ADCY8: variants seen among roughly 807,000 people sequenced by gnomAD.
The protein encoded by ADCY8 is adenylate cyclase 8.
In ADCY8, 51 loss-of-function variants were observed where a neutral mutation model predicts 119.7. The ratio of observed to expected loss-of-function variants is 0.43; its 90% confidence interval spans 0.34 to 0.54. ADCY8 has a LOEUF of 0.54. Ranked by LOEUF, ADCY8 falls within the 20% of genes least tolerant of loss-of-function variation. ADCY8 has a pLI of 0.03. For synonymous variants in ADCY8, 665 were observed against 651.0 expected, an observed-to-expected ratio of 1.02 and a Z score of -0.33; for missense variants, 1,383 against 1,598.8, an observed-to-expected ratio of 0.87 and a Z score of 2.30.
chr8:130,783,283 G>A (rs1230179078), intron 17 of ADCY8, among the ~76,000 whole-genome samples: 2 of 152,168 alleles, frequency 1.3e-5, no homozygotes, highest in African/African-American at 4.8e-5. Context: ...TCCTGCTTTT[G>A]TCTGAAGGAA....
intron 12 of ADCY8, among the ~76,000 whole-genome samples, chr8:130,827,634 C>T (rs1019617056): frequency 6.6e-6 from 1 of 152,118 alleles, no homozygotes; most frequent in Non-Finnish European, 1.5e-5. Context: ...CTATTAAACC[C>T]CACTCCTAAA....
intron 14 of ADCY8, among the ~76,000 whole-genome samples, chr8:130,801,390 C>T (rs1815772360): frequency 6.6e-6 from 1 of 152,208 alleles, no homozygotes; most frequent in Non-Finnish European, 1.5e-5. Flanking sequence ...TCTTTCACTT[C>T]AACTCCAGAT....
chr8:130,976,142 G>A (rs1283942326), intron 2 of ADCY8, among the ~76,000 whole-genome samples: 4 of 152,160 alleles, frequency 2.6e-5, no homozygotes, highest in African/African-American at 7.2e-5. Context: ...GATAGCAGTA[G>A]TGATTGATCC....
chr8:130,807,759 C>T (rs979355249), intron 14 of ADCY8, among the ~76,000 whole-genome samples: 26 of 151,580 alleles, frequency 1.7e-4, no homozygotes, highest in South Asian at 2.1e-4. Context: ...CCGAGGCGGG[C>T]GGATCACGAG....
chr8:130,874,354 T>TAAATAAATTAAA (rs1300412408), intron 8 of ADCY8, among the ~76,000 whole-genome samples: 1 of 135,962 alleles, frequency 7.4e-6, no homozygotes. Flanking sequence ...AATAAATAAA[T>TAAATAAATTAAA]AAAATACACC....
chr8:131,022,775 A>C (rs1823713205), intron 1 of ADCY8, among the ~76,000 whole-genome samples: 1 of 152,186 alleles, frequency 6.6e-6, no homozygotes, highest in African/African-American at 2.4e-5. Flanking sequence ...AACAACAGAT[A>C]AACTTTTCTT....
chr8:130,840,368 C>A lies in ADCY8; in HGVS notation c.2503-3919G>T, dbSNP rs1817103273. On this transcript the variant is annotated intron_variant, in intron 11 of 17. Transcript: ENST00000286355. Reference sequence around the variant, plus strand: ...ACAGAGACTAACATTGAGAGCCTACCATGTTTGAAGGACTGTGGAAGAAGA... The same window carrying A: ...ACAGAGACTAACATTGAGAGCCTACAATGTTTGAAGGACTGTGGAAGAAGA... Among the ~76,000 whole-genome samples, 2 of 137,684 alleles carry A rather than the reference C, an allele frequency of 1.5e-5. 1 individual carries two copies. The highest frequency in any genetic ancestry group is 6.2e-4 in the South Asian group (2 of 3,246). The allele number at this position is 137,684 out of a possible 152,430, so 90.3% of individuals were successfully genotyped here.
chr8:131,024,973 T>A (rs1371311787), intron 1 of ADCY8, among the ~76,000 whole-genome samples: 1 of 152,162 alleles, frequency 6.6e-6, no homozygotes, highest in African/African-American at 2.4e-5. Flanking sequence ...TCATTATAAC[T>A]CATGGAATAA....
At chr8:130,866,196 C>T (rs933287831) in intron 9 of ADCY8, among the ~76,000 whole-genome samples, 3 of 151,980 alleles carry the variant, frequency 2.0e-5, no homozygotes, top group Non-Finnish European at 4.4e-5. Flanking sequence ...TGGTCAGATT[C>T]GTAAGAATTC....
intron 1 of ADCY8, among the ~76,000 whole-genome samples, chr8:131,021,945 G>C (rs568129331): frequency 2.0e-5 from 3 of 152,078 alleles, no homozygotes; most frequent in African/African-American, 7.2e-5. Context: ...AACAATTTAG[G>C]GTAATTCAGA....
Position 130,780,651 on chromosome 8 carries a change from G to C in ADCY8, c.3495C>G (p.Ile1165Met). The change falls in exon 18 of 18, where the codon ATC (isoleucine) becomes ATG (methionine). Residue 1165 changes from isoleucine to methionine, a missense_variant. Coordinates refer to ENST00000286355, the MANE Select transcript of ADCY8 (RefSeq NM_001115.3). ...VKGISEQEGK[I>M]KTYFLLGRVQ... The stretch of plus-strand genomic sequence containing the variant: ...CTCTTCCCAGAAGAAAGTACGTTTT[G>C]ATTTTTCCTTCCTGTTCACTGATAC... 6.2e-7 allele frequency: 1 copy of C among 1,614,172 alleles called. No individual in the cohort carries two copies.
chr8:130,844,950 A>G (rs1354977357), intron 11 of ADCY8, among the ~76,000 whole-genome samples: 2 of 152,254 alleles, frequency 1.3e-5, no homozygotes, highest in African/African-American at 4.8e-5. Context: ...TGACGATAAC[A>G]TACATTGGCA....
intron 5 of ADCY8, among the ~76,000 whole-genome samples, chr8:130,924,021 GTTGATCCT>G (rs1481331735): frequency 6.6e-6 from 1 of 152,212 alleles, no homozygotes; most frequent in East Asian, 1.9e-4. Context: ...TAAACTATAT[GTTGATCCT>G]TTGGGTATTG....
chr8:131,038,433 C>T (rs943949477), intron 1 of ADCY8, among the ~76,000 whole-genome samples: 4 of 152,168 alleles, frequency 2.6e-5, no homozygotes, highest in Admixed American at 1.3e-4. Context: ...CTGTTACCTA[C>T]CATACATTTT....
chr8:130,797,830 C>A (rs1459986291), intron 15 of ADCY8, among the ~76,000 whole-genome samples: 1 of 152,170 alleles, frequency 6.6e-6, no homozygotes, highest in Non-Finnish European at 1.5e-5. Context: ...CCCCCCACAC[C>A]CATCCCAGGG....
At chr8:131,008,300 T>C (rs750491317) in intron 1 of ADCY8, among the ~76,000 whole-genome samples, 1 of 152,160 alleles carries the variant, frequency 6.6e-6, no homozygotes, top group South Asian at 2.1e-4. Context: ...CAACCTCGAA[T>C]GGTAATAATC....
chr8:131,021,751 G>T (rs956442286), intron 1 of ADCY8, among the ~76,000 whole-genome samples: 1 of 152,132 alleles, frequency 6.6e-6, no homozygotes, highest in African/African-American at 2.4e-5. Flanking sequence ...GGACATGTTT[G>T]CTTCCCCTTC....
chr8:130,889,570 T>C (rs1819111338), intron 7 of ADCY8, among the ~76,000 whole-genome samples: 1 of 152,170 alleles, frequency 6.6e-6, no homozygotes, highest in Non-Finnish European at 1.5e-5. Flanking sequence ...ACTAGACCTG[T>C]TTCCGATTTC....
At chr8:130,901,484 C>T (rs1278837067) in intron 7 of ADCY8, among the ~76,000 whole-genome samples, 7 of 152,142 alleles carry the variant, frequency 4.6e-5, no homozygotes, top group African/African-American at 1.7e-4. Flanking sequence ...CATTAGCATG[C>T]TTTATCTGTG....
Sources: allele counts gnomAD v4.1 joint callset (sites outside exome capture counted in the v4.1 genomes callset), GRCh38; gene constraint gnomAD v4.1.1; transcripts MANE v1.5; gene names NCBI Gene and HGNC (gene_info 2026-07-23, HGNC 2026-07-21).